NEBL: variants seen among roughly 807,000 people sequenced by gnomAD.
NEBL encodes the protein LIM and SH3 protein 2.
NEBL carries 122 observed loss-of-function variants against 140.2 expected under a neutral mutation model. That is an observed-to-expected ratio of 0.87 (90% confidence interval 0.75 to 1.01). NEBL has a LOEUF of 1.01. Among genes scored for constraint, NEBL ranks in the 50% least tolerant of loss-of-function variants. The pLI is 0.00. For synonymous variants in NEBL, 436 were observed against 398.9 expected (o/e 1.09, Z -1.11); for missense variants, 1,365 against 1,231.3 (o/e 1.11, Z -1.62).
rs545845092 is a variant in NEBL at position 20,954,531 on chromosome 10, C to T, written c.357+7141G>A. On this transcript the variant is annotated intron_variant, in intron 4 of 6. Coordinates refer to the NEBL transcript ENST00000417816. ...GCTAAAGATGGGGTCCTTTGTCCCA[C>T]GGCAATGAAAATTCAGGCTCGCAGA... 1.5e-4 allele frequency among the ~76,000 whole-genome samples: 23 copies of T among 152,244 alleles called. No individual in the cohort carries two copies. The South Asian group carries it at 2.3e-3, about 15-fold the overall frequency.
chr10:20,915,344 C>T (rs998007120), intron 4 of NEBL, among the ~76,000 whole-genome samples: 6 of 150,762 alleles, frequency 4.0e-5, no homozygotes, highest in East Asian at 3.9e-4. Context: ...CATGCTGGTG[C>T]GCTGCACCCA....
intron 7 of NEBL, among the ~76,000 whole-genome samples, chr10:20,861,847 T>C (rs530863061): frequency 2.0e-5 from 3 of 152,172 alleles, no homozygotes; most frequent in Non-Finnish European, 4.4e-5. Context: ...CCTCAACTTA[T>C]GATGGGGTTG....
intron 1 of NEBL, among the ~76,000 whole-genome samples, chr10:21,269,897 G>C (rs1309544036): frequency 6.6e-6 from 1 of 152,190 alleles, no homozygotes; most frequent in Non-Finnish European, 1.5e-5. Flanking sequence ...CAAAAAAGTG[G>C]TTAAGACCCA....
upstream of NEBL, among the ~76,000 whole-genome samples, chr10:21,178,631 AC>A (rs1841339229): frequency 6.6e-6 from 1 of 152,228 alleles, no homozygotes; most frequent in Non-Finnish European, 1.5e-5. Flanking sequence ...GCTTTGGCAT[AC>A]ATGCTGAAAA....
intron 2 of NEBL, among the ~76,000 whole-genome samples, chr10:21,160,435 A>G (rs1027068159): frequency 6.6e-6 from 1 of 152,080 alleles, no homozygotes; most frequent in Non-Finnish European, 1.5e-5. Flanking sequence ...TCTAAACAGA[A>G]TTTTCTTTCT....
chr10:21,192,349 G>A (rs1841587247), intron 3 of NEBL, among the ~76,000 whole-genome samples: 1 of 151,316 alleles, frequency 6.6e-6, no homozygotes. Flanking sequence ...CCACCACCAC[G>A]CCTGGCTAAT....
chr10:21,125,461 G>T (rs1838778941), intron 2 of NEBL, among the ~76,000 whole-genome samples: 1 of 152,194 alleles, frequency 6.6e-6, no homozygotes, highest in Non-Finnish European at 1.5e-5. Context: ...AATGAACTGG[G>T]CTATTTAAGG....
At chr10:20,845,580 T>C (rs1048064181) in intron 11 of NEBL, 4 of 493,926 alleles carry the variant, frequency 8.1e-6, no homozygotes, top group East Asian at 3.6e-5. Flanking sequence ...ACTCTTCCTC[T>C]GGTAAATCAT....
intron 2 of NEBL, among the ~76,000 whole-genome samples, chr10:21,129,262 T>G (rs1219042533): frequency 6.6e-6 from 1 of 151,814 alleles, no homozygotes; most frequent in Non-Finnish European, 1.5e-5. Context: ...TTAAAAAATT[T>G]TTTAACTTTT....
intron 2 of NEBL, among the ~76,000 whole-genome samples, chr10:21,109,920 GTCTA>G (rs1210463196): frequency 6.6e-6 from 1 of 151,988 alleles, no homozygotes; most frequent in Non-Finnish European, 1.5e-5. Flanking sequence ...CCAGCTAGTG[GTCTA>G]TCTATGTTGT....
In NEBL at chr10:20,835,493, G is replaced by A; in HGVS notation, c.1449+20C>T. On this transcript the variant is annotated intron_variant, in intron 14 of 27. Coordinates refer to ENST00000377122, the MANE Select transcript of NEBL (RefSeq NM_006393.3). ...TTCCAAAATATGAGTCTTAAGGCCT[G>A]CATCACGCACCCTACTAACCTCACT... 1 of 1,548,294 alleles carries A rather than the reference G, an allele frequency of 6.5e-7. No individual in the cohort carries two copies.
chr10:20,825,304 T>C (rs1168564630), intron 18 of NEBL, among the ~76,000 whole-genome samples: 1 of 151,938 alleles, frequency 6.6e-6, no homozygotes, highest in Non-Finnish European at 1.5e-5. Context: ...AAGGATAAGG[T>C]GAAAAGATAA....
At chr10:20,907,524 G>A (rs1486125215) in intron 4 of NEBL, among the ~76,000 whole-genome samples, 5 of 151,886 alleles carry the variant, frequency 3.3e-5, no homozygotes, top group Admixed American at 6.6e-5. Context: ...ATCTTCCATC[G>A]ATACTCCCAT....
chr10:20,974,043 G>A lies in NEBL; in HGVS notation c.250-12264C>T, dbSNP rs113590560. On this transcript the variant is annotated intron_variant, in intron 3 of 6. Transcript: ENST00000417816. The stretch of plus-strand genomic sequence containing the variant: ...AGCATTGGGTACTTTTATCACTTGT[G>A]ACCAAGAATTCTAACTAATATGAGA... 7.6e-4 allele frequency among the ~76,000 whole-genome samples: 116 copies of A among 152,150 alleles called. 1 individual carries two copies. The highest frequency in any genetic ancestry group is 2.7e-3 in the African/African-American group (114 of 41,516).
In NEBL at chr10:20,869,788, G is replaced by A. The variant is rs374344424; in HGVS notation, c.534C>T (p.Asp178=). The part of the protein sequence containing the change: ...QDTHTYSAEL[D]RPDIKMATQI... ...GGGTTGCCATCTTGATGTCTGGTCG[G>A]TCAAGTTCTGCACTGTACGTGTGGG... Residue 178 remains aspartate (D), a synonymous_variant, in exon 6 of 28, where the codon GAC becomes GAT. Coordinates refer to ENST00000377122, the MANE Select transcript of NEBL (RefSeq NM_006393.3). 3.1e-6 allele frequency: 5 copies of A among 1,613,546 alleles called. No homozygotes were observed. The highest frequency in any genetic ancestry group is 4.2e-6 in the Non-Finnish European group (5 of 1,179,574).
chr10:21,076,397 A>G (rs1434411086), intron 2 of NEBL, among the ~76,000 whole-genome samples: 1 of 138,902 alleles, frequency 7.2e-6, no homozygotes, highest in African/African-American at 2.7e-5. Flanking sequence ...GTGAGCCGAG[A>G]TCGTGCCACT....
At position 20,783,531 on chromosome 10, in the gene NEBL, T is replaced by C. The variant is rs1835164924; in HGVS notation, c.*2216A>G. The C allele has an allele frequency of 6.6e-6, 1 of 152,216 alleles. No homozygotes were observed. The allele number at this position is 152,216 out of a possible 1,614,324, so 9.4% of individuals were successfully genotyped here. On this transcript the variant is annotated 3_prime_UTR_variant, in exon 28 of 28. Transcript: ENST00000377122. ...TTGAAATCGGTGGATGAAATTACTT[T>C]CCTGATTACAAGCATTATTTCAAGT...
At chr10:21,125,341 C>T (rs1838773976) in intron 2 of NEBL, among the ~76,000 whole-genome samples, 1 of 152,118 alleles carries the variant, frequency 6.6e-6, no homozygotes, top group South Asian at 2.1e-4. Context: ...CTCCTTTTTA[C>T]ATCATAAGAC....
intron 2 of NEBL, among the ~76,000 whole-genome samples, chr10:21,046,661 T>C (rs1404930835): frequency 1.3e-5 from 2 of 152,168 alleles, no homozygotes; most frequent in African/African-American, 4.8e-5. Flanking sequence ...AGTGCAGTGG[T>C]GCGATCTCGG....
Sources: gnomAD v4.1 joint callset for allele counts (sites outside exome capture counted in the v4.1 genomes callset) on GRCh38, gnomAD v4.1.1 for gene constraint, MANE v1.5 for transcripts, NCBI Gene and HGNC (gene_info 2026-07-23, HGNC 2026-07-21) for gene names.